FHIT: variants seen among roughly 807,000 people sequenced by gnomAD.
FHIT encodes bis(5'-adenosyl)-triphosphatase.
A neutral mutation model predicts 17.9 loss-of-function variants in FHIT; 19 were observed. The observed-to-expected ratio is 1.06, with a 90% CI of 0.74 to 1.56. The LOEUF is 1.56. Ranked by LOEUF, FHIT falls within the 40% of genes most tolerant of loss-of-function variation. The pLI, the probability that FHIT is intolerant of heterozygous loss-of-function variation, is 0.00. For synonymous variants in FHIT, 81 were observed against 69.7 expected (o/e 1.16, Z -0.81); for missense variants, 248 against 189.2 (o/e 1.31, Z -1.82).
intron 5 of FHIT, among the ~76,000 whole-genome samples, chr3:60,432,490 G>A (rs551268214): frequency 4.1e-4 from 62 of 152,138 alleles, no homozygotes; most frequent in African/African-American, 1.4e-3. Context: ...TAGTGAAACC[G>A]TGGTAAATAT....
intron 3 of FHIT, among the ~76,000 whole-genome samples, chr3:60,864,341 C>T (rs1322182570): frequency 6.6e-6 from 1 of 152,092 alleles, no homozygotes; most frequent in African/African-American, 2.4e-5. Flanking sequence ...AGAAACCAGC[C>T]TAAAGTTACT....
chr3:61,070,905 G>A lies in FHIT; in HGVS notation c.-163-28806C>T, dbSNP rs544098379. On this transcript the variant is annotated intron_variant, in intron 2 of 9. Coordinates refer to ENST00000492590, the MANE Select transcript of FHIT (RefSeq NM_002012.4). ...TTCAGACAGTCTCATACCACCTCTC[G>A]TCCTCTCCATTATCATAAAAGTTAA... Among the ~76,000 whole-genome samples, 51 of 152,122 alleles carry A rather than the reference G, an allele frequency of 3.4e-4. 1 individual carries two copies. In the South Asian group the frequency reaches 9.3e-3, roughly 28 times the overall value.
chr3:60,958,941 T>A (rs1162071143), intron 3 of FHIT, among the ~76,000 whole-genome samples: 1 of 152,128 alleles, frequency 6.6e-6, no homozygotes, highest in Non-Finnish European at 1.5e-5. Context: ...AAAAGCAAAC[T>A]AAGGACAAAG....
At chr3:59,972,563 C>A (rs1575794021) in intron 7 of FHIT, among the ~76,000 whole-genome samples, 1 of 152,040 alleles carries the variant, frequency 6.6e-6, no homozygotes, top group Non-Finnish European at 1.5e-5. Flanking sequence ...TCACACGGGG[C>A]CAGTCAGCTT....
At chr3:60,330,558 C>T (rs1168220204) in intron 5 of FHIT, among the ~76,000 whole-genome samples, 1 of 152,186 alleles carries the variant, frequency 6.6e-6, no homozygotes, top group East Asian at 1.9e-4. Context: ...TGTTTATCTG[C>T]CATGATTTCA....
chr3:60,906,090 GA>G (rs1706399705), intron 3 of FHIT, among the ~76,000 whole-genome samples: 2 of 151,894 alleles, frequency 1.3e-5, no homozygotes, highest in Non-Finnish European at 2.9e-5. Context: ...AATCACAGAG[GA>G]AAAAAATAAA....
chr3:60,220,441 T>TA (rs896966210), intron 5 of FHIT, among the ~76,000 whole-genome samples: 11 of 151,960 alleles, frequency 7.2e-5, no homozygotes, highest in African/African-American at 1.9e-4. Flanking sequence ...TATTAATTAT[T>TA]AAAAAAAATA....
intron 8 of FHIT, among the ~76,000 whole-genome samples, chr3:59,765,634 G>A (rs1297622469): frequency 1.3e-5 from 2 of 152,172 alleles, no homozygotes; most frequent in African/African-American, 4.8e-5. Flanking sequence ...GATTGCTCTG[G>A]CATTGCGGTT....
intron 3 of FHIT, among the ~76,000 whole-genome samples, chr3:60,859,721 C>T (rs1194908387): frequency 3.3e-5 from 3 of 90,372 alleles, no homozygotes; most frequent in African/African-American, 8.5e-5. Flanking sequence ...ATTCTGAATA[C>T]GATTTTTTTT....
intron 1 of FHIT, among the ~76,000 whole-genome samples, chr3:61,208,715 T>G (rs187650904): frequency 3.7e-4 from 57 of 152,062 alleles, no homozygotes; most frequent in Admixed American, 9.2e-4. Flanking sequence ...TGTGTCTCTG[T>G]ACATGACATG....
chr3:60,426,503 G>A (rs1195425277), intron 5 of FHIT, among the ~76,000 whole-genome samples: 6 of 152,014 alleles, frequency 3.9e-5, no homozygotes, highest in African/African-American at 4.8e-5. Flanking sequence ...TGTAAAAAAT[G>A]TTAGACTCTT....
chr3:60,519,726 T>C (rs2035289895), intron 5 of FHIT, among the ~76,000 whole-genome samples: 1 of 152,198 alleles, frequency 6.6e-6, no homozygotes, highest in Admixed American at 6.5e-5. Context: ...TCAAGGAATT[T>C]AACCTTTTCT....
At chr3:60,927,210 G>C (rs932331541) in intron 3 of FHIT, among the ~76,000 whole-genome samples, 3 of 152,098 alleles carry the variant, frequency 2.0e-5, no homozygotes, top group Admixed American at 1.3e-4. Context: ...CGTGTTGGCC[G>C]GGCTGGTCTC....
chr3:61,170,432 C>T (rs1003211057), intron 2 of FHIT, among the ~76,000 whole-genome samples: 3 of 152,014 alleles, frequency 2.0e-5, no homozygotes, highest in African/African-American at 7.3e-5. Flanking sequence ...CAGAGGTAAA[C>T]ATGTGTCATG....
At chr3:60,822,348 G>A (rs1403835802) in intron 3 of FHIT, among the ~76,000 whole-genome samples, 4 of 152,134 alleles carry the variant, frequency 2.6e-5, no homozygotes, top group Non-Finnish European at 5.9e-5. Flanking sequence ...TGGCACTGGG[G>A]CTTTCCATTT....
chr3:60,450,939 G>A (rs1230538477), intron 5 of FHIT, among the ~76,000 whole-genome samples: 1 of 152,120 alleles, frequency 6.6e-6, no homozygotes, highest in African/African-American at 2.4e-5. Flanking sequence ...ATTTAAGTGA[G>A]AGATATAAGC....
intron 4 of FHIT, among the ~76,000 whole-genome samples, chr3:60,560,503 C>A (rs537566773): frequency 6.6e-6 from 1 of 152,040 alleles, no homozygotes; most frequent in Non-Finnish European, 1.5e-5. Context: ...AAATTTTAAA[C>A]GGCTTGGTTC....
intron 8 of FHIT, among the ~76,000 whole-genome samples, chr3:59,812,365 C>A (rs905874163): frequency 1.3e-5 from 2 of 152,156 alleles, no homozygotes; most frequent in African/African-American, 4.8e-5. Context: ...TGAGTGATAG[C>A]TCACCCACAG....
chr3:60,850,855 A>C (rs1553748068), intron 3 of FHIT, among the ~76,000 whole-genome samples: 1 of 152,198 alleles, frequency 6.6e-6, no homozygotes, highest in East Asian at 1.9e-4. Context: ...CATCTTATTC[A>C]GTATACCTTA....
Sources: gnomAD v4.1 joint callset for allele counts (sites outside exome capture counted in the v4.1 genomes callset) on GRCh38, gnomAD v4.1.1 for gene constraint, MANE v1.5 for transcripts, NCBI Gene and HGNC (gene_info 2026-07-23, HGNC 2026-07-21) for gene names.